TTLL3: variants seen among roughly 807,000 people sequenced by gnomAD.
The protein encoded by TTLL3 is tubulin monoglycylase TTLL3.
In TTLL3, 63 loss-of-function variants were observed where a neutral mutation model predicts 75.2. That is an observed-to-expected ratio of 0.84 (90% CI 0.68 to 1.03). The LOEUF (loss-of-function observed/expected upper bound fraction) is 1.03, where lower values mean the gene tolerates loss of function less well. Ranked by LOEUF, TTLL3 falls within the 50% of genes least tolerant of loss-of-function variation. The pLI, the probability that TTLL3 is intolerant of heterozygous loss-of-function variation, is 0.00. For missense variants in TTLL3, 997 were observed against 1,069.9 expected (o/e 0.93, Z 0.95); for synonymous variants, 393 against 418.5 (o/e 0.94, Z 0.74).
chr3:9,824,737 C>CTTTTTTTTTTTTTTTTTTTTT (rs71052207), intron 8 of TTLL3, among the ~76,000 whole-genome samples: 12 of 80,672 alleles, frequency 1.5e-4, no homozygotes, highest in African/African-American at 1.7e-4. Flanking sequence ...CTTTTCTTTT[C>CTTTTTTTTTTTTTTTTTTTTT]TTTTTTTTTT....
chr3:9,815,935 G>C, intron 4 of TTLL3, 139 bp from the exon 5 acceptor site: 1 of 775,204 alleles, frequency 1.3e-6, no homozygotes, highest in Non-Finnish European at 1.8e-6. Flanking sequence ...ACACAAAGAT[G>C]ATGTGTGGGC....
In TTLL3 at chr3:9,810,532, C is replaced by T. The variant is rs2079247863; in HGVS notation, c.-41-89C>T. 1.6e-5 allele frequency: 23 copies of T among 1,476,572 alleles called. No individual in the cohort carries two copies. In the South Asian group the frequency reaches 2.3e-4, roughly 15 times the overall value. The allele number at this position is 1,476,572 out of a possible 1,614,324, so 91.5% of individuals were successfully genotyped here. On this transcript the variant is annotated intron_variant, in intron 1 of 13. Transcript: ENST00000685419. The surrounding 1 kb of genome is among the most constrained non-coding windows in gnomAD (Gnocchi z 4.4). ...ATGAAGGCAGGAGGAAGAAAAGAGG[C>T]GTGGCTATGGGCGGCCAGAAAAGAT...
At position 9,820,706 on chromosome 3, in the gene TTLL3, G is replaced by T; in HGVS notation, c.819G>T (p.Trp273Cys). 6.2e-7 allele frequency: 1 copy of T among 1,614,116 alleles called. No individual in the cohort carries two copies. The highest frequency in any genetic ancestry group is 8.5e-7 in the Non-Finnish European group (1 of 1,180,020). The change falls in exon 8 of 14, where the codon TGG becomes TGT. Residue 273 changes from tryptophan (W) to cysteine (C), a missense_variant. Transcript: ENST00000685419. ...EAPLYLTPEG[W>C]SLFLQRYYQV... ...CGCTGTACCTCACCCCCGAGGGCTGGTCCCTCTTCCTCCAGCGCTACTACC... is the reference window on the plus strand; with the variant it reads ...CGCTGTACCTCACCCCCGAGGGCTGTTCCCTCTTCCTCCAGCGCTACTACC...
intron 4 of TTLL3, among the ~76,000 whole-genome samples, chr3:9,813,919 G>A (rs919723459): frequency 1.3e-5 from 2 of 152,038 alleles, no homozygotes; most frequent in Admixed American, 1.3e-4. Flanking sequence ...CGCCATGCAT[G>A]GTAACTCCCC....
rs368527271 is a variant in TTLL3 at position 9,835,501 on chromosome 3, G to C, written c.*12G>C. On this transcript the variant is annotated 3_prime_UTR_variant, in exon 14 of 14. Transcript: ENST00000685419. ...CAGCAAGAGCCTGAGGCCATCAGCA[G>C]CTCCTCCGTGCAGCGAGGCCCAGAA... 7.0e-6 allele frequency: 11 copies of C among 1,566,722 alleles called. No individual in the cohort carries two copies. In the African/African-American group the frequency reaches 1.2e-4, roughly 18 times the overall value.
Position 9,813,304 on chromosome 3 carries a change from T to A in TTLL3, c.274T>A (p.Leu92Ile), listed in dbSNP as rs766651406. The change falls in exon 4 of 14, where the codon TTA becomes ATA. Residue 92 changes from leucine to isoleucine, a missense_variant. Leu to Ile is a conservative substitution (Grantham distance 5). Transcript: ENST00000685419. ...QPSQLFDFDDLLKFDDLDGTH... is the reference protein window; with the variant it reads ...QPSQLFDFDDILKFDDLDGTH... The stretch of plus-strand genomic sequence containing the variant: ...ATCACAGCTGTTCGACTTCGATGAT[T>A]TACTGAAATTTGATGACCTAGATGG... 2.5e-6 allele frequency: 4 copies of A among 1,614,076 alleles called. No homozygotes were observed. The highest frequency in any genetic ancestry group is 2.5e-6 in the Non-Finnish European group (3 of 1,180,050).
chr3:9,820,259 T>A, intron 7 of TTLL3: 2 of 1,194,578 alleles, frequency 1.7e-6, no homozygotes, highest in Non-Finnish European at 2.1e-6. Context: ...GTGTTAGAGG[T>A]CCCAGGGGCA....
At position 9,810,542 on chromosome 3, in the gene TTLL3, G is replaced by A. The variant is rs1052127693; in HGVS notation, c.-41-79G>A. 1.2e-5 allele frequency: 18 copies of A among 1,486,370 alleles called. No homozygotes were observed. The African/African-American group carries it at 1.7e-4, about 14-fold the overall frequency. 92.1% of individuals were successfully genotyped at this position (1,486,370 alleles called of 1,614,324 possible). ...GAGGAAGAAAAGAGGCGTGGCTATG[G>A]GCGGCCAGAAAAGATCCTAGGCCGA... On this transcript the variant is annotated intron_variant, in intron 1 of 13. Transcript: ENST00000685419. The surrounding 1 kb of genome is among the most constrained non-coding windows in gnomAD (Gnocchi z 4.4).
At chr3:9,819,536 G>C in intron 7 of TTLL3, 5 of 987,878 alleles carry the variant, frequency 5.1e-6, no homozygotes, top group Non-Finnish European at 6.0e-6. Context: ...CAGTGAAACT[G>C]GGCTTTACAC....
intron 8 of TTLL3, chr3:9,825,337 CAAAA>C (rs34409771): frequency 8.6e-4 from 104 of 120,908 alleles, no homozygotes; most frequent in South Asian, 3.2e-3. Context: ...GACCCTGTCT[CAAAA>C]AAAAAAAAAA....
At chr3:9,813,778 C>G (rs889752507) in intron 4 of TTLL3, among the ~76,000 whole-genome samples, 1 of 152,092 alleles carries the variant, frequency 6.6e-6, no homozygotes, top group African/African-American at 2.4e-5. Context: ...AAGCAAGACT[C>G]TATCTCTAAA....
At chr3:9,819,495 T>G in intron 7 of TTLL3, 4 of 989,958 alleles carry the variant, frequency 4.0e-6, no homozygotes, top group Non-Finnish European at 4.8e-6. Context: ...TCCCTGCCTG[T>G]GAGGAGTTCA....
chr3:9,810,286 A>C lies in TTLL3; in HGVS notation c.-150A>C. 6.7e-7 allele frequency: 1 copy of C among 1,503,530 alleles called. No individual in the cohort carries two copies. Among genetic ancestry groups the C allele is most frequent in the Non-Finnish European group, 8.8e-7 (1 of 1,135,504 alleles). 93.1% of individuals were successfully genotyped at this position (1,503,530 alleles called of 1,614,324 possible). Reference sequence around the variant, plus strand: ...CAGCCCCGCCCCTGCGCGCCGCCTCAGCGGCGCCTTCAAGACGCTGGTCCC... The same window carrying C: ...CAGCCCCGCCCCTGCGCGCCGCCTCCGCGGCGCCTTCAAGACGCTGGTCCC... On this transcript the variant is annotated 5_prime_UTR_variant, in exon 1 of 14. Transcript: ENST00000685419. This position sits in a 1 kb window ranked among gnomAD's most constrained non-coding sequence, Gnocchi z 4.4.
intron 11 of TTLL3, among the ~76,000 whole-genome samples, chr3:9,832,146 T>C (rs1183884726): frequency 7.0e-6 from 1 of 143,324 alleles, no homozygotes; most frequent in Non-Finnish European, 1.5e-5. Context: ...AGTACAATGG[T>C]GCGATCTCGG....
chr3:9,826,146 G>A (rs2081018149), intron 9 of TTLL3, among the ~76,000 whole-genome samples, 198 bp downstream of exon 9: 1 of 152,196 alleles, frequency 6.6e-6, no homozygotes, highest in African/African-American at 2.4e-5. Flanking sequence ...TGTGACATGA[G>A]GAGGATGATA....
In TTLL3 at chr3:9,834,636, C is replaced by T. The variant is rs771239000; in HGVS notation, c.1826-45C>T. On this transcript the variant is annotated intron_variant, in intron 12 of 13. Transcript: ENST00000685419. ...GTACCTGTTAGGGCAGCTAGGCCAC[C>T]TTGGGCCCCACCCCAGGGCCTCACA... 6 of 1,610,898 alleles carry T rather than the reference C, an allele frequency of 3.7e-6. No individual in the cohort carries two copies. The South Asian group carries it at 6.6e-5, about 18-fold the overall frequency.
At chr3:9,817,963 G>A in intron 6 of TTLL3, 1 of 653,994 alleles carries the variant, frequency 1.5e-6, no homozygotes, top group Non-Finnish European at 2.5e-6. Flanking sequence ...CTGACCTCCA[G>A]AAAAGCTTGG....
chr3:9,813,167 T>A (rs2079506105), intron 3 of TTLL3, 56 bp downstream of exon 3: 4 of 1,605,832 alleles, frequency 2.5e-6, no homozygotes, highest in African/African-American at 1.3e-5. Context: ...TTCCTTTGGT[T>A]CCCACTGTCC....
intron 8 of TTLL3, among the ~76,000 whole-genome samples, chr3:9,822,223 G>A (rs1370539039): frequency 2.6e-5 from 4 of 151,024 alleles, no homozygotes; most frequent in Non-Finnish European, 5.9e-5. Flanking sequence ...CCACCACCAC[G>A]CCCGGCTAAT....
Sources: gnomAD v4.1 joint callset for allele counts (sites outside exome capture counted in the v4.1 genomes callset) on GRCh38, gnomAD v4.1.1 for gene constraint, Gnocchi (gnomAD v3.1) non-coding constraint, MANE v1.5 for transcripts, NCBI Gene and HGNC (gene_info 2026-07-23, HGNC 2026-07-21) for gene names.